The following SORBS3 variants were observed in gnomAD, a reference collection of about 807,000 sequenced individuals.
SORBS3 encodes the protein vinexin.
A neutral mutation model predicts 98.0 loss-of-function variants in SORBS3; 69 were observed. That is an observed-to-expected ratio of 0.70 (90% CI 0.58 to 0.86). SORBS3 has a LOEUF of 0.86. SORBS3 is among the 40% of genes least tolerant of loss of function. SORBS3 has a pLI of 0.00. For missense variants in SORBS3, 954 were observed against 908.5 expected (o/e 1.05, Z -0.64); for synonymous variants, 394 against 355.4 (o/e 1.11, Z -1.22).
At chr8:22,570,090 T>C (rs1304297160) in intron 17 of SORBS3, among the ~76,000 whole-genome samples, 3 of 152,228 alleles carry the variant, frequency 2.0e-5, no homozygotes, top group African/African-American at 7.2e-5. Context: ...TGAAAAATGC[T>C]GTTCTAGAAA....
chr8:22,575,006 C>T lies in SORBS3; in HGVS notation c.*278C>T. On this transcript the variant is annotated 3_prime_UTR_variant, in exon 21 of 21. Coordinates refer to ENST00000240123, the MANE Select transcript of SORBS3 (RefSeq NM_005775.5). Reference sequence around the variant, plus strand: ...CTTTGAAGCGGAGACCATTTCCAGGCCTTATTGAGACCAGACCCCAAGTCC... The same window carrying T: ...CTTTGAAGCGGAGACCATTTCCAGGTCTTATTGAGACCAGACCCCAAGTCC... 1 of 611,386 alleles carries T rather than the reference C, an allele frequency of 1.6e-6. No homozygotes were observed. The highest frequency in any genetic ancestry group is 3.1e-6 in the Non-Finnish European group (1 of 326,604). The allele number at this position is 611,386 out of a possible 1,614,324, so 37.9% of individuals were successfully genotyped here. A position where few individuals can be genotyped will look rare whatever the true frequency, so the allele number is the denominator to read the frequency against.
chr8:22,546,025 T>C (rs1421162633), intron 1 of SORBS3, among the ~76,000 whole-genome samples: 2 of 152,146 alleles, frequency 1.3e-5, no homozygotes, highest in African/African-American at 4.8e-5. Context: ...GACCAGTTGG[T>C]GGTGTGATAT....
At chr8:22,571,956 G>A in intron 19 of SORBS3, 135 bp downstream of exon 19, 1 of 663,562 alleles carries the variant, frequency 1.5e-6, no homozygotes, top group Non-Finnish European at 2.7e-6. Context: ...TCCTCGAAGA[G>A]CTTATGGTGA....
intron 20 of SORBS3, chr8:22,573,333 A>G: frequency 2.2e-6 from 1 of 455,552 alleles, no homozygotes; most frequent in Non-Finnish European, 4.4e-6. Flanking sequence ...AAGTTTTGCA[A>G]ACCTATGCAG....
chr8:22,545,958 T>C (rs956755879), intron 1 of SORBS3, among the ~76,000 whole-genome samples: 2 of 152,172 alleles, frequency 1.3e-5, no homozygotes, highest in African/African-American at 2.4e-5. Flanking sequence ...TCAGCAGGCA[T>C]TTTCCAAGAA....
At chr8:22,552,823 C>CCCG (rs1021226156) in intron 1 of SORBS3, among the ~76,000 whole-genome samples, 14 of 152,156 alleles carry the variant, frequency 9.2e-5, no homozygotes, top group African/African-American at 3.4e-4. Flanking sequence ...AACTCCCCCC[C>CCCG]GCAAGGGGAG....
Position 22,556,712 on chromosome 8 carries a change from C to A in SORBS3, c.221-3C>A. On this transcript the variant is annotated splice_polypyrimidine_tract_variant and splice_region_variant and intron_variant, in intron 3 of 20. Transcript: ENST00000240123. ...CTAATGCTCTCCTGCACGCACCCAA[C>A]AGACCCTGCGTGGTATCAGACCTGG... 6.2e-7 allele frequency: 1 copy of A among 1,613,618 alleles called. No individual in the cohort carries two copies. The highest frequency in any genetic ancestry group is 2.2e-5 in the East Asian group (1 of 44,882).
At position 22,572,340 on chromosome 8, in the gene SORBS3, G is replaced by A; in HGVS notation, c.1848G>A (p.Pro616=). The A allele has an allele frequency of 6.2e-7, 1 of 1,613,618 alleles. No homozygotes were observed. Among genetic ancestry groups the A allele is most frequent in the Non-Finnish European group, 8.5e-7 (1 of 1,179,612 alleles). Residue 616 remains proline, a splice_region_variant and synonymous_variant, in exon 20 of 21, where the codon CCG becomes CCA. Coordinates refer to ENST00000240123, the MANE Select transcript of SORBS3 (RefSeq NM_005775.5). The part of the protein sequence containing the change: ...SPNTSQIHWT[P]YRAMYQYRPQ... ...GGTTGCCATGATACGCTTCTCGCAG[G>A]TACCGGGCGATGTACCAGTACAGGC...
chr8:22,561,899 C>T lies in SORBS3; in HGVS notation c.552C>T (p.Ala184=), dbSNP rs1220130655. ...ATCTAGGAGCCCAGCAAAGACCTGC[C>T]CACAGGCCCGGCCCGGCAACATCTT... ...PRHLGAQQRP[A]HRPGPATSSS... Residue 184 remains alanine (A), a synonymous_variant, in exon 7 of 21, where the codon GCC becomes GCT. Coordinates refer to ENST00000240123, the MANE Select transcript of SORBS3 (RefSeq NM_005775.5). 2 of 1,614,040 alleles carry T rather than the reference C, an allele frequency of 1.2e-6. No homozygotes were observed. The highest frequency in any genetic ancestry group is 1.7e-6 in the Non-Finnish European group (2 of 1,179,990).
chr8:22,562,495 C>A (rs17060922), intron 7 of SORBS3, among the ~76,000 whole-genome samples: 2,457 of 152,320 alleles, frequency 0.016, 59 homozygotes, highest in African/African-American at 0.053. Context: ...GAATCAGGAT[C>A]TTTGCTCTCA....
At chr8:22,551,516 C>T (rs895889720), upstream of SORBS3, among the ~76,000 whole-genome samples, 4 of 152,142 alleles carry the variant, frequency 2.6e-5, no homozygotes, top group African/African-American at 9.7e-5. The surrounding 1 kb of genome is among the most constrained non-coding windows in gnomAD (Gnocchi z 5.8). Context: ...GGAAATGTCG[C>T]TGGAAACTCT....
At chr8:22,564,809 G>A in intron 10 of SORBS3, 3 of 1,312,212 alleles carry the variant, frequency 2.3e-6, no homozygotes, top group Non-Finnish European at 2.9e-6. Context: ...CTGGACCCTT[G>A]AGAAGCTCCG....
chr8:22,554,293 T>C lies in SORBS3; in HGVS notation c.-55-159T>C, dbSNP rs960122317. ...CAGGCACGGGCAGCCTGCAGGCGGG[T>C]GCCTGGCGTGGCCTGTTTCCTGGGT... On this transcript the variant is annotated intron_variant, in intron 1 of 20. Coordinates refer to ENST00000240123, the MANE Select transcript of SORBS3 (RefSeq NM_005775.5). This position sits in a 1 kb window ranked among gnomAD's most constrained non-coding sequence, Gnocchi z 6.5. 4.9e-6 allele frequency: 3 copies of C among 615,078 alleles called. No individual in the cohort carries two copies. Among genetic ancestry groups the C allele is most frequent in the Non-Finnish European group, 2.5e-6 (1 of 396,076 alleles). The allele number at this position is 615,078 out of a possible 1,614,324, so 38.1% of individuals were successfully genotyped here. A position where few individuals can be genotyped will look rare whatever the true frequency, so the allele number is the denominator to read the frequency against.
chr8:22,574,932 A>C lies in SORBS3; in HGVS notation c.*204A>C, dbSNP rs1376867513. ...CCCACGACTCACAGGCATTCCTCCC[A>C]CAGCCCTTTCATTTCCTCCCCACCC... On this transcript the variant is annotated 3_prime_UTR_variant, in exon 21 of 21. Transcript: ENST00000240123. 1.5e-6 allele frequency: 1 copy of C among 667,784 alleles called. No homozygotes were observed. Among genetic ancestry groups the C allele is most frequent in the East Asian group, 2.8e-5 (1 of 35,586 alleles). The allele number at this position is 667,784 out of a possible 1,614,324, so 41.4% of individuals were successfully genotyped here.
At position 22,574,381 on chromosome 8, in the gene SORBS3, C is replaced by T. The variant is rs575788302; in HGVS notation, c.1955-286C>T. On this transcript the variant is annotated intron_variant, in intron 20 of 20. Coordinates refer to ENST00000240123, the MANE Select transcript of SORBS3 (RefSeq NM_005775.5). ...TTCTGTGATTCCTCCTCCTGTGTCC[C>T]CACTTTGCGGAGGAGGGGGGGAGTG... Among the ~76,000 whole-genome samples the T allele has an allele frequency of 6.3e-4, 93 of 147,798 alleles. 1 individual carries two copies. In the South Asian group the frequency reaches 0.02, roughly 31 times the overall value.
intron 7 of SORBS3, among the ~76,000 whole-genome samples, chr8:22,563,334 G>T (rs1271100262): frequency 2.0e-5 from 3 of 152,208 alleles, no homozygotes; most frequent in Non-Finnish European, 2.9e-5. Context: ...AAGCCAGCCA[G>T]CAAGGGGCCC....
intron 10 of SORBS3, chr8:22,565,062 C>T (rs1161478807): frequency 1.4e-6 from 2 of 1,418,612 alleles, no homozygotes; most frequent in Admixed American, 2.9e-5. Context: ...ACTCCCGGGG[C>T]GTGCTGGGCA....
chr8:22,573,722 C>T (rs1840650348), intron 20 of SORBS3, among the ~76,000 whole-genome samples: 1 of 152,180 alleles, frequency 6.6e-6, no homozygotes, highest in South Asian at 2.1e-4. Flanking sequence ...AGGGTGCCAG[C>T]CTGGAAGGGG....
At chr8:22,565,579 G>A in intron 11 of SORBS3, 1 of 644,260 alleles carries the variant, frequency 1.6e-6, no homozygotes, top group Non-Finnish European at 2.2e-6. Flanking sequence ...CTTTCTAAGC[G>A]GACTCCACGT....
Sources: gnomAD v4.1 joint callset for allele counts (sites outside exome capture counted in the v4.1 genomes callset) on GRCh38, gnomAD v4.1.1 for gene constraint, Gnocchi (gnomAD v3.1) non-coding constraint, MANE v1.5 for transcripts, NCBI Gene and HGNC (gene_info 2026-07-23, HGNC 2026-07-21) for gene names.